The following NET1 variants were observed in gnomAD, a reference collection of about 807,000 sequenced individuals.
NET1 encodes the protein neuroepithelial cell transforming 1.
Under a neutral mutation model 61.1 loss-of-function variants are expected in NET1, and 42 were observed. The observed-to-expected ratio is 0.69, with a 90% CI of 0.54 to 0.89. NET1 has a LOEUF of 0.89. Among genes scored for constraint, NET1 ranks in the 40% least tolerant of loss-of-function variants. The pLI, the probability that NET1 is intolerant of heterozygous loss-of-function variation, is 0.00. For missense variants in NET1, 654 were observed against 747.3 expected (o/e 0.88, Z 1.46); for synonymous variants, 254 against 281.8 (o/e 0.90, Z 0.99).
rs1185179311 is a variant in NET1 at position 5,421,882 on chromosome 10, G to A, written c.129-4773G>A. ...GAATCATACAATGTGTAGTCTTTCT[G>A]CTTCTGCCTTCTTTCACTTACATCA... On this transcript the variant is annotated intron_variant, in intron 1 of 11. Transcript: ENST00000355029. This position sits in a 1 kb window ranked among gnomAD's most constrained non-coding sequence, Gnocchi z 4.2. Among the ~76,000 whole-genome samples the A allele has an allele frequency of 1.3e-5, 2 of 152,130 alleles. No homozygotes were observed. Among genetic ancestry groups the A allele is most frequent in the Non-Finnish European group, 2.9e-5 (2 of 68,024 alleles).
Position 5,458,536 on chromosome 10 carries a change from G to A in NET1, c.*1542G>A, listed in dbSNP as rs1008948843. On this transcript the variant is annotated 3_prime_UTR_variant, in exon 12 of 12. Coordinates refer to ENST00000355029, the MANE Select transcript of NET1 (RefSeq NM_001047160.3). This position sits in a 1 kb window ranked among gnomAD's most constrained non-coding sequence, Gnocchi z 4.5. The stretch of plus-strand genomic sequence containing the variant: ...AAAATATGCTGGTGTGGCAAAGGAG[G>A]TAGTGGTAAGCCTCATAAAAGTTAG... 5.9e-5 allele frequency: 9 copies of A among 152,572 alleles called. No individual in the cohort carries two copies. Among genetic ancestry groups the A allele is most frequent in the African/African-American group, 1.9e-4 (8 of 41,418 alleles). 9.5% of individuals were successfully genotyped at this position (152,572 alleles called of 1,614,324 possible).
Position 5,433,340 on chromosome 10 carries a change from A to C in NET1, c.255+4111A>C, listed in dbSNP as rs138770451. ...CAAGCCATATGTGACTGATCTCTCT[A>C]TGTTTTGTTTATAGCTGCCTTCGTA... On this transcript the variant is annotated intron_variant, in intron 3 of 11. Transcript: ENST00000355029. Among the ~76,000 whole-genome samples, 349 of 152,218 alleles carry C rather than the reference A, an allele frequency of 2.3e-3. 2 individuals are homozygous for C. Among genetic ancestry groups the C allele is most frequent in the East Asian group, 9.3e-3 (48 of 5,182 alleles).
rs1397914015 is a variant in NET1, at chr10:5,444,051, T to A, written c.256-7779T>A. Among the ~76,000 whole-genome samples, 3 of 152,224 alleles carry A rather than the reference T, an allele frequency of 2.0e-5. No homozygotes were observed. Among genetic ancestry groups the A allele is most frequent in the Non-Finnish European group, 4.4e-5 (3 of 68,038 alleles). ...TCTAGCCTAGGCTGTTCATATTAGC[T>A]CTGAGAATGTAGGTAGATCACTGTT... On this transcript the variant is annotated intron_variant, in intron 3 of 11. Transcript: ENST00000355029. The surrounding 1 kb of genome is among the most constrained non-coding windows in gnomAD (Gnocchi z 5.3).
In NET1 at chr10:5,443,191, T is replaced by G. The variant is rs543457137; in HGVS notation, c.256-8639T>G. Among the ~76,000 whole-genome samples the G allele has an allele frequency of 6.6e-6, 1 of 152,294 alleles. No homozygotes were observed. Among genetic ancestry groups the G allele is most frequent in the East Asian group, 1.9e-4 (1 of 5,188 alleles). On this transcript the variant is annotated intron_variant, in intron 3 of 11. Coordinates refer to ENST00000355029, the MANE Select transcript of NET1 (RefSeq NM_001047160.3). This position sits in a 1 kb window ranked among gnomAD's most constrained non-coding sequence, Gnocchi z 4.8. ...ATATGGGTTATCTTCATCTGGACAG[T>G]GTCACAACAGCTGAGCAGAACAGAG...
rs950401462 is a variant in NET1 at position 5,451,304 on chromosome 10, G to A, written c.256-526G>A. On this transcript the variant is annotated intron_variant, in intron 3 of 11. Coordinates refer to ENST00000355029, the MANE Select transcript of NET1 (RefSeq NM_001047160.3). This position sits in a 1 kb window ranked among gnomAD's most constrained non-coding sequence, Gnocchi z 6.1. ...CATTCCAGTGTCAGACATGTTGATT[G>A]AAAGGTTGTATTTTCTAACGGAAGT... Among the ~76,000 whole-genome samples, 1 of 152,098 alleles carries A rather than the reference G, an allele frequency of 6.6e-6. No homozygotes were observed. Among genetic ancestry groups the A allele is most frequent in the African/African-American group, 2.4e-5 (1 of 41,420 alleles).
intron 3 of NET1, among the ~76,000 whole-genome samples, chr10:5,438,423 C>T (rs974369308): frequency 4.6e-5 from 7 of 151,982 alleles, no homozygotes; most frequent in South Asian, 4.2e-4. Context: ...CCATATTGTA[C>T]AGAAATAAAA....
chr10:5,420,410 G>A lies in NET1; in HGVS notation c.129-6245G>A, dbSNP rs1206489194. Among the ~76,000 whole-genome samples, 2 of 152,054 alleles carry A rather than the reference G, an allele frequency of 1.3e-5. No individual in the cohort carries two copies. Among genetic ancestry groups the A allele is most frequent in the East Asian group, 1.9e-4 (1 of 5,190 alleles). On this transcript the variant is annotated intron_variant, in intron 1 of 11. Coordinates refer to ENST00000355029, the MANE Select transcript of NET1 (RefSeq NM_001047160.3). This position sits in a 1 kb window ranked among gnomAD's most constrained non-coding sequence, Gnocchi z 5.3. ...TCAGGTGGAATATATTTGGTATGTT[G>A]TATAAGATGTATTTGGGATTTTAGG...
Position 5,443,091 on chromosome 10 carries a change from T to C in NET1, c.256-8739T>C, listed in dbSNP as rs1336610412. On this transcript the variant is annotated intron_variant, in intron 3 of 11. Coordinates refer to ENST00000355029, the MANE Select transcript of NET1 (RefSeq NM_001047160.3). This position sits in a 1 kb window ranked among gnomAD's most constrained non-coding sequence, Gnocchi z 4.8. ...ACTCAGGAGACTTTGGTTTTAAACT[T>C]AGGTCTACTGTTAACTTAGGTCACT... is the stretch of plus-strand genomic sequence containing the variant. Among the ~76,000 whole-genome samples the C allele has an allele frequency of 6.6e-6, 1 of 152,166 alleles. No individual in the cohort carries two copies. The highest frequency in any genetic ancestry group is 1.5e-5 in the Non-Finnish European group (1 of 68,024).
Position 5,446,608 on chromosome 10 carries a change from C to T in NET1, c.256-5222C>T. ...GTCGGTGCTTGCTGCCTGCGGCTCT[C>T]AGAAGCCTCTGCTCCACCGCGGCGA... On this transcript the variant is annotated intron_variant, in intron 3 of 11. Coordinates refer to ENST00000355029, the MANE Select transcript of NET1 (RefSeq NM_001047160.3). The surrounding 1 kb of genome is among the most constrained non-coding windows in gnomAD (Gnocchi z 5.0). The T allele has an allele frequency of 8.1e-7, 1 of 1,232,876 alleles. No homozygotes were observed. Among genetic ancestry groups the T allele is most frequent in the South Asian group, 3.3e-5 (1 of 30,482 alleles). 76.4% of individuals were successfully genotyped at this position (1,232,876 alleles called of 1,614,324 possible). A position where few individuals can be genotyped will look rare whatever the true frequency, so the allele number is the denominator to read the frequency against.
chr10:5,456,243 T>A lies in NET1; in HGVS notation c.1354T>A (p.Phe452Ile). ...TGGAGATGTGAGAATGGGAGGCTCC[T>A]TTCGAGGAGCTTTCAGTAACTCAGA... ...QDGDVRMGGS[F>I]RGAFSNSEKA... Residue 452 changes from phenylalanine to isoleucine, a missense_variant, in exon 11 of 12, where the codon TTT (phenylalanine) becomes ATT (isoleucine). Coordinates refer to ENST00000355029, the MANE Select transcript of NET1 (RefSeq NM_001047160.3). The surrounding 1 kb of genome is among the most constrained non-coding windows in gnomAD (Gnocchi z 7.0). 6.2e-7 allele frequency: 1 copy of A among 1,612,666 alleles called. No individual in the cohort carries two copies. The highest frequency in any genetic ancestry group is 8.5e-7 in the Non-Finnish European group (1 of 1,179,578).
At chr10:5,442,692 C>T (rs1485472114) in intron 3 of NET1, among the ~76,000 whole-genome samples, 3 of 152,006 alleles carry the variant, frequency 2.0e-5, no homozygotes, top group Non-Finnish European at 2.9e-5. Context: ...ACCAGGAATT[C>T]GAGACCAGCC....
chr10:5,449,156 A>G lies in NET1; in HGVS notation c.256-2674A>G, dbSNP rs1832665668. ...CAAATAGTATATGTATCCTGAAATT[A>G]GTAGCAGCATTATACCTTTACATTT... On this transcript the variant is annotated intron_variant, in intron 3 of 11. Transcript: ENST00000355029. This position sits in a 1 kb window ranked among gnomAD's most constrained non-coding sequence, Gnocchi z 4.4. 6.6e-6 allele frequency among the ~76,000 whole-genome samples: 1 copy of G among 152,234 alleles called. No homozygotes were observed. Among genetic ancestry groups the G allele is most frequent in the African/African-American group, 2.4e-5 (1 of 41,478 alleles).
rs1588421780 is a variant in NET1 at position 5,416,739 on chromosome 10, T to C, written c.128+3919T>C. 2.0e-5 allele frequency among the ~76,000 whole-genome samples: 3 copies of C among 152,322 alleles called. No individual in the cohort carries two copies. The Middle Eastern group carries it at 0.01, about 522-fold the overall frequency. ...GTGCACTGGAGGTGTGCTCGCTTCT[T>C]CGGTGCCCTGCTGTTCAAACCTCTA... On this transcript the variant is annotated intron_variant, in intron 1 of 11. Coordinates refer to ENST00000355029, the MANE Select transcript of NET1 (RefSeq NM_001047160.3). This position sits in a 1 kb window ranked among gnomAD's most constrained non-coding sequence, Gnocchi z 6.1.
At position 5,412,763 on chromosome 10, in the gene NET1, G is replaced by T; in HGVS notation, c.71G>T (p.Ser24Ile). 6.8e-7 allele frequency: 1 copy of T among 1,470,236 alleles called. No individual in the cohort carries two copies. Among genetic ancestry groups the T allele is most frequent in the Non-Finnish European group, 9.0e-7 (1 of 1,115,076 alleles). The allele number at this position is 1,470,236 out of a possible 1,614,324, so 91.1% of individuals were successfully genotyped here. The part of the protein sequence containing the change: ...RRRSRRASGL[S>I]TEGATGPSAD... ...CGAAGCCGCCGGGCCTCTGGGCTCAGCACGGAGGGAGCGACGGGGCCTTCG... is the reference window on the plus strand; with the variant it reads ...CGAAGCCGCCGGGCCTCTGGGCTCATCACGGAGGGAGCGACGGGGCCTTCG... The change falls in exon 1 of 12, where the codon AGC becomes ATC. Residue 24 changes from serine (S) to isoleucine (I), a missense_variant. By Grantham distance (142) the Ser-to-Ile change is moderately radical (BLOSUM62 -2). Coordinates refer to ENST00000355029, the MANE Select transcript of NET1 (RefSeq NM_001047160.3). This position sits in a 1 kb window ranked among gnomAD's most constrained non-coding sequence, Gnocchi z 6.5.
Position 5,443,180 on chromosome 10 carries a change from C to A in NET1, c.256-8650C>A, listed in dbSNP as rs1466773356. Among the ~76,000 whole-genome samples, 1 of 152,152 alleles carries A rather than the reference C, an allele frequency of 6.6e-6. No homozygotes were observed. The highest frequency in any genetic ancestry group is 1.9e-4 in the East Asian group (1 of 5,200). On this transcript the variant is annotated intron_variant, in intron 3 of 11. Transcript: ENST00000355029. The surrounding 1 kb of genome is among the most constrained non-coding windows in gnomAD (Gnocchi z 4.8). Reference sequence around the variant, plus strand: ...CTAAAGGTTTTATATGGGTTATCTTCATCTGGACAGTGTCACAACAGCTGA... The same window carrying A: ...CTAAAGGTTTTATATGGGTTATCTTAATCTGGACAGTGTCACAACAGCTGA...
Position 5,454,257 on chromosome 10 carries a change from C to G in NET1, c.769-8C>G. 1 of 1,607,820 alleles carries G rather than the reference C, an allele frequency of 6.2e-7. No homozygotes were observed. Among genetic ancestry groups the G allele is most frequent in the Non-Finnish European group, 8.5e-7 (1 of 1,178,012 alleles). ...ACACATCATACCTTTTCTTTTATTACTCTTCAGTTACCGCGCTTGAATGCC... is the reference window on the plus strand; with the variant it reads ...ACACATCATACCTTTTCTTTTATTAGTCTTCAGTTACCGCGCTTGAATGCC... On this transcript the variant is annotated splice_polypyrimidine_tract_variant and splice_region_variant and intron_variant, in intron 8 of 11. Coordinates refer to ENST00000355029, the MANE Select transcript of NET1 (RefSeq NM_001047160.3). The surrounding 1 kb of genome is among the most constrained non-coding windows in gnomAD (Gnocchi z 8.1).
At position 5,427,238 on chromosome 10, in the gene NET1, C is replaced by T. The variant is rs1011652306; in HGVS notation, c.195+517C>T. Reference sequence around the variant, plus strand: ...TAACAGAAAATTGATTCTTTTTGTACTTAAAACTTATTAGCTCATAATACA... The same window carrying T: ...TAACAGAAAATTGATTCTTTTTGTATTTAAAACTTATTAGCTCATAATACA... On this transcript the variant is annotated intron_variant, in intron 2 of 11. Coordinates refer to ENST00000355029, the MANE Select transcript of NET1 (RefSeq NM_001047160.3). This position sits in a 1 kb window ranked among gnomAD's most constrained non-coding sequence, Gnocchi z 4.1. Among the ~76,000 whole-genome samples, 1 of 152,000 alleles carries T rather than the reference C, an allele frequency of 6.6e-6. No individual in the cohort carries two copies. Among genetic ancestry groups the T allele is most frequent in the Non-Finnish European group, 1.5e-5 (1 of 67,990 alleles).
At position 5,456,753 on chromosome 10, in the gene NET1, A is replaced by T. The variant is rs1485880930; in HGVS notation, c.1550A>T (p.Glu517Val). Reference protein sequence around the residue: ...GSPPELQGLPELHEECEGNHP... With the variant: ...GSPPELQGLPVLHEECEGNHP... ...CCACCTGAGCTGCAGGGCCTGCCGG[A>T]GCTGCACGAAGAGTGTGAGGGGAAC... Residue 517 changes from glutamate to valine, a missense_variant, in exon 12 of 12, where the codon GAG (glutamate) becomes GTG (valine). Physicochemically the swap from Glu to Val is moderately radical, Grantham distance 121. Coordinates refer to ENST00000355029, the MANE Select transcript of NET1 (RefSeq NM_001047160.3). This position sits in a 1 kb window ranked among gnomAD's most constrained non-coding sequence, Gnocchi z 7.0. 1 of 1,613,838 alleles carries T rather than the reference A, an allele frequency of 6.2e-7. No individual in the cohort carries two copies. The highest frequency in any genetic ancestry group is 8.5e-7 in the Non-Finnish European group (1 of 1,179,956).
Position 5,419,706 on chromosome 10 carries a change from TTTG to T in NET1, c.128+6913_128+6915del, listed in dbSNP as rs71388430. 7.1e-4 allele frequency among the ~76,000 whole-genome samples: 107 copies of T among 151,020 alleles called. No homozygotes were observed. The East Asian group carries it at 0.011, about 15-fold the overall frequency. ...TTCTCTGTTTGTTTTTTTTCTTTGTTTTGTTGTTGTTGTTGTTGTTGTTGTTGT... is the reference window on the plus strand; with the variant it reads ...TTCTCTGTTTGTTTTTTTTCTTTGTTTTGTTGTTGTTGTTGTTGTTGTTGT... On this transcript the variant is annotated intron_variant, in intron 1 of 11. Transcript: ENST00000355029.
Sources: allele counts gnomAD v4.1 joint callset (sites outside exome capture counted in the v4.1 genomes callset), GRCh38; gene constraint gnomAD v4.1.1; non-coding constraint Gnocchi (gnomAD v3.1); transcripts MANE v1.5; gene names NCBI Gene and HGNC (gene_info 2026-07-23, HGNC 2026-07-21).